Variants in BCL11B observed in about 807,000 individuals in gnomAD.
BCL11B encodes B-cell lymphoma/leukemia 11B.
A neutral mutation model predicts 49.9 loss-of-function variants in BCL11B; 8 were observed. The observed-to-expected ratio is 0.16, with a 90% CI of 0.09 to 0.29. BCL11B has a LOEUF of 0.29. Among genes scored for constraint, BCL11B ranks in the 10% least tolerant of loss-of-function variants. The pLI, the probability that BCL11B is intolerant of heterozygous loss-of-function variation, is 1.00. For synonymous variants in BCL11B, 739 were observed against 637.4 expected, an observed-to-expected ratio of 1.16 and a Z score of -2.40; for missense variants, 1,006 against 1,351.0, an observed-to-expected ratio of 0.74 and a Z score of 4.00.
rs1361792800 is a variant in BCL11B, at chr14:99,241,355, TC to T, written c.428-9799del. On this transcript the variant is annotated intron_variant, in intron 2 of 3. Transcript: ENST00000357195. The surrounding 1 kb of genome is among the most constrained non-coding windows in gnomAD (Gnocchi z 4.4). The stretch of plus-strand genomic sequence containing the variant: ...ATAAACAATCATAGTGTAGCCAGGA[TC>T]CCAACGAGCTCCAATTCCAGATCGG... 6.6e-6 allele frequency among the ~76,000 whole-genome samples: 1 copy of T among 151,336 alleles called. No homozygotes were observed. Among genetic ancestry groups the T allele is most frequent in the African/African-American group, 2.4e-5 (1 of 41,078 alleles).
At position 99,175,206 on chromosome 14, in the gene BCL11B, GCTCCTC is replaced by G. The variant is rs761352760; in HGVS notation, c.1624_1629del (p.Glu542_Glu543del). 1.5e-4 allele frequency: 240 copies of G among 1,554,410 alleles called. No individual in the cohort carries two copies. Among genetic ancestry groups the G allele is most frequent in the Admixed American group, 7.8e-4 (41 of 52,532 alleles). On this transcript the variant is annotated inframe_deletion, in exon 4 of 4. Coordinates refer to ENST00000357195, the MANE Select transcript of BCL11B (RefSeq NM_138576.4). ...GGCCGGCTCTCGTTCTCCAGTAGCA[GCTCCTC>G]CTCCTCCTCCTCCTCCTCCTCGTCC...
chr14:99,242,653 A>C lies in BCL11B; in HGVS notation c.428-11096T>G, dbSNP rs2139918692. Among the ~76,000 whole-genome samples the C allele has an allele frequency of 6.6e-6, 1 of 152,344 alleles. No individual in the cohort carries two copies. Among genetic ancestry groups the C allele is most frequent in the Admixed American group, 6.5e-5 (1 of 15,306 alleles). ...GTCTTGGCCCAGCCAGGGTGAACAAACCAAATACATAAAGAAAGCTTCTGT... is the reference window on the plus strand; with the variant it reads ...GTCTTGGCCCAGCCAGGGTGAACAACCCAAATACATAAAGAAAGCTTCTGT... On this transcript the variant is annotated intron_variant, in intron 2 of 3. Transcript: ENST00000357195. The surrounding 1 kb of genome is among the most constrained non-coding windows in gnomAD (Gnocchi z 4.4).
intron 3 of BCL11B, among the ~76,000 whole-genome samples, chr14:99,183,057 AG>A (rs11330157): frequency 0.35 from 53,872 of 151,944 alleles, 9,757 homozygotes; most frequent in African/African-American, 0.41. Context: ...CTCACACTCC[AG>A]GGGGGAGACA....
Position 99,169,353 on chromosome 14 carries a change from A to AC in BCL11B, c.*4797dup. The AC allele has an allele frequency of 5.2e-6, 1 of 193,418 alleles. No homozygotes were observed. Among genetic ancestry groups the AC allele is most frequent in the Non-Finnish European group, 1.1e-5 (1 of 92,392 alleles). 12.0% of individuals were successfully genotyped at this position (193,418 alleles called of 1,614,324 possible). A position where few individuals can be genotyped will look rare whatever the true frequency, so the allele number is the denominator to read the frequency against. On this transcript the variant is annotated 3_prime_UTR_variant, in exon 4 of 4. Coordinates refer to ENST00000357195, the MANE Select transcript of BCL11B (RefSeq NM_138576.4). ...GAAACCAGAACAAACTTGGTTTTGA[A>AC]CAAGCGTACAAATGAAATGGCAGAC...
At chr14:99,181,145 G>A (rs1045184499) in intron 3 of BCL11B, among the ~76,000 whole-genome samples, 4 of 152,212 alleles carry the variant, frequency 2.6e-5, no homozygotes, top group African/African-American at 9.6e-5. Context: ...TTCCTGCCTG[G>A]GTGAGATTTA....
chr14:99,179,991 T>C (rs1022353580), intron 3 of BCL11B, among the ~76,000 whole-genome samples: 1 of 152,192 alleles, frequency 6.6e-6, no homozygotes, highest in Non-Finnish European at 1.5e-5. Flanking sequence ...GCACGCAGTC[T>C]CAGACGGCTC....
intron 3 of BCL11B, among the ~76,000 whole-genome samples, chr14:99,199,658 G>C: frequency 1.2e-5 from 1 of 81,800 alleles, no homozygotes; most frequent in African/African-American, 4.9e-5. Context: ...GTGTGTGTGT[G>C]TGTGTGTGTG....
At chr14:99,202,044 G>T (rs1032495132) in intron 3 of BCL11B, among the ~76,000 whole-genome samples, 20 of 152,192 alleles carry the variant, frequency 1.3e-4, no homozygotes, top group African/African-American at 4.8e-4. Flanking sequence ...ACAGTGGCTC[G>T]ATTACCACTC....
chr14:99,182,619 C>T (rs1886740099), intron 3 of BCL11B, among the ~76,000 whole-genome samples: 2 of 152,266 alleles, frequency 1.3e-5, no homozygotes, highest in South Asian at 4.1e-4. Flanking sequence ...GCAAGTGGCC[C>T]ACTGAGGGGT....
rs17098400 is a variant in BCL11B at position 99,209,287 on chromosome 14, A to G, written c.640+22058T>C. On this transcript the variant is annotated intron_variant, in intron 3 of 3. Transcript: ENST00000357195. ...GGGGGTTCCATCTCTCACTCGGCTC[A>G]TAATCCTACTGGACCCCAAAACTCC... 4.4e-3 allele frequency among the ~76,000 whole-genome samples: 674 copies of G among 152,224 alleles called. 38 individuals are homozygous for G. In the East Asian group the frequency reaches 0.11, roughly 25 times the overall value.
At chr14:99,185,891 A>G (rs912114130) in intron 3 of BCL11B, among the ~76,000 whole-genome samples, 1 of 152,240 alleles carries the variant, frequency 6.6e-6, no homozygotes, top group African/African-American at 2.4e-5. Context: ...CGTTACAGCA[A>G]GAAATGAGAG....
chr14:99,196,985 G>T (rs1300273985), intron 3 of BCL11B, among the ~76,000 whole-genome samples: 1 of 152,160 alleles, frequency 6.6e-6, no homozygotes, highest in Non-Finnish European at 1.5e-5. Context: ...TCCATGTTCT[G>T]GTTCCTTCCA....
intron 3 of BCL11B, among the ~76,000 whole-genome samples, chr14:99,196,294 C>A (rs1274477630): frequency 5.3e-5 from 8 of 152,164 alleles, no homozygotes; most frequent in Admixed American, 5.2e-4. Flanking sequence ...AGTTCCTCCA[C>A]ACGAGTGAGG....
At chr14:99,259,365 A>C (rs1566833914) in intron 1 of BCL11B, among the ~76,000 whole-genome samples, 1 of 152,246 alleles carries the variant, frequency 6.6e-6, no homozygotes, top group Non-Finnish European at 1.5e-5. Flanking sequence ...CACATAAATC[A>C]CTGTTCTCTA....
intron 2 of BCL11B, among the ~76,000 whole-genome samples, chr14:99,255,422 A>C (rs1401710783): frequency 8.6e-5 from 13 of 150,666 alleles, no homozygotes; most frequent in Admixed American, 1.3e-4. Context: ...AAAAAAAAAA[A>C]AAAAAAAAAA....
intron 2 of BCL11B, among the ~76,000 whole-genome samples, chr14:99,235,992 A>G (rs948705887): frequency 6.6e-6 from 1 of 152,204 alleles, no homozygotes; most frequent in African/African-American, 2.4e-5. Flanking sequence ...CTTTTACTGC[A>G]GGGTAATGAA....
At position 99,174,424 on chromosome 14, in the gene BCL11B, C is replaced by T. The variant is rs1306463735; in HGVS notation, c.2412G>A (p.Val804=). 1 of 1,613,048 alleles carries T rather than the reference C, an allele frequency of 6.2e-7. No individual in the cohort carries two copies. The highest frequency in any genetic ancestry group is 2.2e-5 in the East Asian group (1 of 44,814). ...RSDTCEYCGK[V]FKNCSNLTVH... The stretch of plus-strand genomic sequence containing the variant: ...CCGTCAAGTTGCTGCAGTTCTTGAA[C>T]ACCTTGCCGCAGTACTCGCACGTGT... Residue 804 remains valine (V), a synonymous_variant, in exon 4 of 4, where the codon GTG becomes GTA. Coordinates refer to ENST00000357195, the MANE Select transcript of BCL11B (RefSeq NM_138576.4).
At chr14:99,218,061 GTTT>G (rs35487573) in intron 3 of BCL11B, among the ~76,000 whole-genome samples, 9 of 116,920 alleles carry the variant, frequency 7.7e-5, no homozygotes, top group Non-Finnish European at 1.3e-4. Flanking sequence ...ATCATTGCAG[GTTT>G]TTTTTTTTTT....
At position 99,234,581 on chromosome 14, in the gene BCL11B, G is replaced by A. The variant is rs558451125; in HGVS notation, c.428-3024C>T. Among the ~76,000 whole-genome samples, 8 of 152,208 alleles carry A rather than the reference G, an allele frequency of 5.3e-5. No individual in the cohort carries two copies. In the South Asian group the frequency reaches 1.7e-3, roughly 32 times the overall value. On this transcript the variant is annotated intron_variant, in intron 2 of 3. Coordinates refer to ENST00000357195, the MANE Select transcript of BCL11B (RefSeq NM_138576.4). The stretch of plus-strand genomic sequence containing the variant: ...CTGTCTCCTGGCCTCGTGACTGAAG[G>A]TGAGTCACTTTCTCAGAGCCTCAGC...
Sources: allele counts gnomAD v4.1 joint callset (sites outside exome capture counted in the v4.1 genomes callset), GRCh38; gene constraint gnomAD v4.1.1; non-coding constraint Gnocchi (gnomAD v3.1); transcripts MANE v1.5; gene names NCBI Gene and HGNC (gene_info 2026-07-23, HGNC 2026-07-21).